Variants in TENM1 observed in about 807,000 individuals in gnomAD.
TENM1 encodes teneurin-1.
A neutral mutation model predicts 174.8 loss-of-function variants in TENM1; 35 were observed. The ratio of observed to expected loss-of-function variants is 0.20; its 90% CI spans 0.15 to 0.27. The LOEUF (loss-of-function observed/expected upper bound fraction) is 0.27. TENM1 is among the 10% of genes least tolerant of loss of function. TENM1 has a pLI of 1.00. For missense variants in TENM1, 1,633 were observed against 2,130.1 expected (o/e 0.77, Z 4.59); for synonymous variants, 781 against 798.7 (o/e 0.98, Z 0.37).
chrX:124,957,499 G>A (rs1366306276), intron 1 of TENM1, among the ~76,000 whole-genome samples: 2 of 104,233 alleles, frequency 1.9e-5, no homozygotes, highest in Admixed American at 1.1e-4. Context: ...CAGGAGAATC[G>A]CTTGAACCTG....
chrX:124,858,825 C>CTT (rs368409415), intron 3 of TENM1, among the ~76,000 whole-genome samples: 270 of 104,595 alleles, frequency 2.6e-3, no homozygotes, highest in African/African-American at 9.0e-3. Context: ...TCAAATGATT[C>CTT]TTTTTTTTTT....
At chrX:124,571,278 T>C (rs1453483516) in intron 11 of TENM1, among the ~76,000 whole-genome samples, 1 of 112,189 alleles carries the variant, frequency 8.9e-6, no homozygotes, top group East Asian at 2.8e-4. Flanking sequence ...AAAAATTACA[T>C]TGGAATTAGA....
chrX:125,158,308 C>T, the TENM1 span, among the ~76,000 whole-genome samples: 34 of 99,435 alleles, frequency 3.4e-4, no homozygotes, highest in South Asian at 0.017. Context: ...GAGGCTGGGG[C>T]AGGAGAATCC....
the TENM1 span, among the ~76,000 whole-genome samples, chrX:125,149,524 G>T: frequency 8.9e-6 from 1 of 111,884 alleles, no homozygotes; most frequent in African/African-American, 3.2e-5. Flanking sequence ...CGTTCTTAAT[G>T]AATTTTTAGG....
chrX:125,169,182 C>T, the TENM1 span, among the ~76,000 whole-genome samples: 1 of 110,902 alleles, frequency 9.0e-6, no homozygotes, highest in Non-Finnish European at 1.9e-5. Flanking sequence ...ATTGTAACTC[C>T]CGCTAAAGCT....
intron 17 of TENM1, among the ~76,000 whole-genome samples, chrX:124,522,461 G>A (rs1310917346): frequency 9.0e-6 from 1 of 110,681 alleles, no homozygotes; most frequent in Admixed American, 9.6e-5. Flanking sequence ...TGACAATATT[G>A]AATGTTCAAT....
the TENM1 span, among the ~76,000 whole-genome samples, chrX:125,139,344 G>A: frequency 6.5e-4 from 72 of 110,935 alleles, no homozygotes; most frequent in Admixed American, 9.6e-4. Context: ...TGAAGTATAG[G>A]GGAATCATAA....
chrX:125,070,190 GTAATAATAA>G, the TENM1 span, among the ~76,000 whole-genome samples: 7 of 106,868 alleles, frequency 6.6e-5, no homozygotes, highest in African/African-American at 2.4e-4. Context: ...CCGTGTCCAA[GTAATAATAA>G]TAATAATAAT....
At chrX:125,050,004 T>C in the TENM1 span, among the ~76,000 whole-genome samples, 3 of 109,854 alleles carry the variant, frequency 2.7e-5, no homozygotes, top group African/African-American at 9.9e-5. Context: ...ACTATTATTA[T>C]TAATAATAGA....
At chrX:124,502,669 A>T (rs1468180382) in intron 19 of TENM1, among the ~76,000 whole-genome samples, 1 of 112,292 alleles carries the variant, frequency 8.9e-6, no homozygotes, top group Non-Finnish European at 1.9e-5. Context: ...TTAAAAAAAA[A>T]TAAACTGTTT....
chrX:124,971,925 G>A, the TENM1 span, among the ~76,000 whole-genome samples: 2 of 111,559 alleles, frequency 1.8e-5, no homozygotes, highest in Non-Finnish European at 1.9e-5. Flanking sequence ...TACCTATTGA[G>A]AACCTGAGTT....
intron 8 of TENM1, 52 bp from the exon 12 acceptor site, chrX:124,646,862 G>C (rs1440599627): frequency 2.2e-6 from 2 of 908,970 alleles, no homozygotes; most frequent in East Asian, 6.5e-5. Flanking sequence ...CCAGGCTGTA[G>C]AGTCTTTATT....
At chrX:124,803,130 T>C (rs1467352594) in intron 3 of TENM1, among the ~76,000 whole-genome samples, 1 of 112,285 alleles carries the variant, frequency 8.9e-6, no homozygotes, top group Non-Finnish European at 1.9e-5. Flanking sequence ...TTTAATCACA[T>C]AGAAAAGTAC....
intron 17 of TENM1, among the ~76,000 whole-genome samples, chrX:124,522,882 T>A (rs1227436251): frequency 1.8e-5 from 2 of 111,079 alleles, no homozygotes; most frequent in Non-Finnish European, 3.8e-5. Flanking sequence ...GAGACAGGGT[T>A]TCTCCATGTT....
chrX:124,821,887 T>A (rs972433866), intron 3 of TENM1, among the ~76,000 whole-genome samples: 3 of 112,076 alleles, frequency 2.7e-5, no homozygotes, highest in Non-Finnish European at 5.6e-5. Context: ...AAATTCACTG[T>A]TTGGGGAGAT....
intron 6 of TENM1, among the ~76,000 whole-genome samples, chrX:124,667,938 C>T (rs1169536328): frequency 9.0e-6 from 1 of 110,825 alleles, no homozygotes; most frequent in Non-Finnish European, 1.9e-5. Flanking sequence ...TTAAAAAGTG[C>T]CATTCATCGC....
chrX:125,016,337 CTTAAG>C, the TENM1 span, among the ~76,000 whole-genome samples: 8 of 111,331 alleles, frequency 7.2e-5, no homozygotes, highest in Admixed American at 9.6e-5. Flanking sequence ...CCAAAATCTC[CTTAAG>C]TTGATAAGCA....
At chrX:124,727,151 C>G (rs1235624650) in intron 4 of TENM1, among the ~76,000 whole-genome samples, 1 of 112,309 alleles carries the variant, frequency 8.9e-6, no homozygotes, top group Non-Finnish European at 1.9e-5. Context: ...TGGTTACTTG[C>G]ACTCTCCTGC....
At chrX:124,556,447 A>G (rs892780455) in intron 14 of TENM1, among the ~76,000 whole-genome samples, 4 of 110,930 alleles carry the variant, frequency 3.6e-5, no homozygotes, top group Non-Finnish European at 7.5e-5. Flanking sequence ...GAACGATAAT[A>G]TCTGCTTATT....
Sources: allele counts gnomAD v4.1 joint callset (sites outside exome capture counted in the v4.1 genomes callset), GRCh38; gene constraint gnomAD v4.1.1; transcripts MANE v1.5; gene names NCBI Gene and HGNC (gene_info 2026-07-23, HGNC 2026-07-21).